Variants in LDB2 observed in about 807,000 individuals in gnomAD.
LDB2 encodes the protein LIM domain binding 2, also known as LIM domain-binding protein 2.
A neutral mutation model predicts 44.3 loss-of-function variants in LDB2; 12 were observed. The ratio of observed to expected loss-of-function variants is 0.27; its 90% confidence interval spans 0.17 to 0.44. LDB2 has a LOEUF of 0.44. Among genes scored for constraint, LDB2 ranks in the 20% least tolerant of loss-of-function variants. LDB2 has a pLI of 1.00. For missense variants in LDB2, 344 were observed against 473.5 expected (o/e 0.73, Z 2.54); for synonymous variants, 164 against 174.8 (o/e 0.94, Z 0.49).
At chr4:16,739,003 A>G (rs780108997) in intron 2 of LDB2, among the ~76,000 whole-genome samples, 16 of 152,160 alleles carry the variant, frequency 1.1e-4, no homozygotes, top group Non-Finnish European at 1.5e-4. Context: ...ATAGAAGAAG[A>G]AAATAATTAG....
At chr4:16,573,056 G>A (rs901162985) in intron 5 of LDB2, among the ~76,000 whole-genome samples, 1 of 152,224 alleles carries the variant, frequency 6.6e-6, no homozygotes, top group Non-Finnish European at 1.5e-5. Context: ...CCACGGTGGA[G>A]TGGTGTAGCA....
chr4:16,775,008 A>G (rs991311228), intron 1 of LDB2, among the ~76,000 whole-genome samples: 1 of 152,178 alleles, frequency 6.6e-6, no homozygotes, highest in Non-Finnish European at 1.5e-5. Context: ...GTGCCTCAAA[A>G]CACTATGGCA....
At chr4:16,790,193 A>G (rs1382242399) in intron 1 of LDB2, among the ~76,000 whole-genome samples, 2 of 152,208 alleles carry the variant, frequency 1.3e-5, no homozygotes, top group African/African-American at 2.4e-5. Flanking sequence ...TACTAGTTGC[A>G]TTTTACAAAT....
At chr4:16,647,488 T>C (rs1281262971) in intron 2 of LDB2, among the ~76,000 whole-genome samples, 1 of 152,216 alleles carries the variant, frequency 6.6e-6, no homozygotes, top group Non-Finnish European at 1.5e-5. Flanking sequence ...TATTTCTGAA[T>C]AGTGTGCATA....
intron 2 of LDB2, among the ~76,000 whole-genome samples, chr4:16,618,202 C>T (rs1238950972): frequency 6.6e-6 from 1 of 152,156 alleles, no homozygotes; most frequent in Admixed American, 6.6e-5. Flanking sequence ...ATTCCCAGGC[C>T]TCACCCCCAG....
intron 1 of LDB2, among the ~76,000 whole-genome samples, chr4:16,790,955 C>T (rs1409074802): frequency 1.3e-5 from 2 of 152,300 alleles, no homozygotes; most frequent in Admixed American, 6.5e-5. Flanking sequence ...TACATACAGG[C>T]ACACCAGGCC....
chr4:16,715,769 G>C (rs930570895), intron 2 of LDB2, among the ~76,000 whole-genome samples: 2 of 151,906 alleles, frequency 1.3e-5, no homozygotes, highest in South Asian at 2.1e-4. Context: ...AATTTTTTTG[G>C]TGTATGGGGA....
At chr4:16,663,886 A>C (rs1032413424) in intron 2 of LDB2, among the ~76,000 whole-genome samples, 8 of 152,156 alleles carry the variant, frequency 5.3e-5, no homozygotes, top group Non-Finnish European at 1.0e-4. Context: ...AGATTGCACA[A>C]TTTCCTCTAG....
chr4:16,850,467 T>C (rs537595009), intron 1 of LDB2, among the ~76,000 whole-genome samples: 3 of 152,128 alleles, frequency 2.0e-5, no homozygotes, highest in Non-Finnish European at 2.9e-5. Context: ...TGGCACCCAG[T>C]AGATAGATAT....
chr4:16,691,486 G>A (rs1383903774), intron 2 of LDB2, among the ~76,000 whole-genome samples: 1 of 152,152 alleles, frequency 6.6e-6, no homozygotes, highest in East Asian at 1.9e-4. Context: ...ATTAAGTAGA[G>A]GTAAAGAACA....
intron 5 of LDB2, among the ~76,000 whole-genome samples, chr4:16,559,996 T>C (rs1279153612): frequency 6.6e-6 from 1 of 152,128 alleles, no homozygotes; most frequent in Non-Finnish European, 1.5e-5. Flanking sequence ...AAGGCAGAAA[T>C]AAAGATGTTC....
intron 5 of LDB2, among the ~76,000 whole-genome samples, chr4:16,543,562 A>C (rs1734651937): frequency 1.3e-5 from 2 of 152,198 alleles, no homozygotes; most frequent in Admixed American, 6.5e-5. Context: ...TTGGCTGCAT[A>C]AATGTCTTCT....
chr4:16,567,770 A>G (rs1745081997), intron 5 of LDB2, among the ~76,000 whole-genome samples: 1 of 152,254 alleles, frequency 6.6e-6, no homozygotes, highest in Non-Finnish European at 1.5e-5. Flanking sequence ...ACAACGTCTC[A>G]AGAACAAAAC....
At chr4:16,717,076 G>T (rs1757205837) in intron 2 of LDB2, among the ~76,000 whole-genome samples, 1 of 151,762 alleles carries the variant, frequency 6.6e-6, no homozygotes, top group Non-Finnish European at 1.5e-5. Flanking sequence ...AGATGGTTAG[G>T]TTAGCACAGA....
rs143538262 is a variant in LDB2, at chr4:16,776,580, C to T, written c.133-17320G>A. On this transcript the variant is annotated intron_variant, in intron 1 of 7. Coordinates refer to ENST00000304523, the MANE Select transcript of LDB2 (RefSeq NM_001290.5). ...CGTGCATTCAGAAATATGCAGTGAGCGCCTACTTTGCGCGAGACACTCTTC... is the reference window on the plus strand; with the variant it reads ...CGTGCATTCAGAAATATGCAGTGAGTGCCTACTTTGCGCGAGACACTCTTC... Among the ~76,000 whole-genome samples, 273 of 152,268 alleles carry T rather than the reference C, an allele frequency of 1.8e-3. 1 individual carries two copies. Among genetic ancestry groups the T allele is most frequent in the African/African-American group, 3.6e-3 (151 of 41,552 alleles).
intron 2 of LDB2, among the ~76,000 whole-genome samples, chr4:16,619,671 C>T (rs981632147): frequency 3.4e-4 from 52 of 151,976 alleles, no homozygotes; most frequent in Admixed American, 2.9e-3. Context: ...GGTGATCATT[C>T]GTGCAATTTC....
chr4:16,735,571 G>GA (rs72603164), intron 2 of LDB2, among the ~76,000 whole-genome samples: 74,257 of 149,488 alleles, frequency 0.5, 18,458 homozygotes, highest in East Asian at 0.77. Flanking sequence ...AGAACGGACA[G>GA]AAAAAAAAAC....
In LDB2 at chr4:16,575,864, G is replaced by A. The variant is rs549923156; in HGVS notation, c.615+10058C>T. Among the ~76,000 whole-genome samples, 9 of 152,176 alleles carry A rather than the reference G, an allele frequency of 5.9e-5. No individual in the cohort carries two copies. The East Asian group carries it at 1.5e-3, about 26-fold the overall frequency. On this transcript the variant is annotated intron_variant, in intron 5 of 7. Transcript: ENST00000304523. Reference sequence around the variant, plus strand: ...GCAATTCTCTGCCTCAGTCTCCCAAGTAGCTGGGATTACAGGCACCTGCCA... The same window carrying A: ...GCAATTCTCTGCCTCAGTCTCCCAAATAGCTGGGATTACAGGCACCTGCCA...
intron 1 of LDB2, among the ~76,000 whole-genome samples, chr4:16,893,720 A>G (rs1459973315): frequency 6.6e-6 from 1 of 152,160 alleles, no homozygotes. Flanking sequence ...TGTAATATTG[A>G]TAAAAGAAAA....
Sources: gnomAD v4.1 joint callset for allele counts (sites outside exome capture counted in the v4.1 genomes callset) on GRCh38, gnomAD v4.1.1 for gene constraint, MANE v1.5 for transcripts, NCBI Gene and HGNC (gene_info 2026-07-23, HGNC 2026-07-21) for gene names.